The following CELSR2 variants were observed in gnomAD, a reference collection of about 807,000 sequenced individuals.
The protein encoded by CELSR2 is cadherin EGF LAG seven-pass G-type receptor 2.
CELSR2 carries 81 observed loss-of-function variants against 251.6 expected under a neutral mutation model. That is an observed-to-expected ratio of 0.32 (90% CI 0.27 to 0.39). CELSR2 has a LOEUF of 0.39. Among genes scored for constraint, CELSR2 ranks in the 10% least tolerant of loss-of-function variants. The probability of loss-of-function intolerance (pLI) is 1.00; values close to 1 mark genes in which losing one functional copy is unlikely to be tolerated. For synonymous variants in CELSR2, 1,721 were observed against 1,670.5 expected (o/e 1.03, Z -0.74); for missense variants, 3,365 against 3,947.7 (o/e 0.85, Z 3.96).
In CELSR2 at chr1:109,262,351, T is replaced by C; in HGVS notation, c.4451T>C (p.Val1484Ala). The change falls in exon 6 of 34, where the codon GTG (valine) becomes GCG (alanine). Residue 1484 changes from valine (V) to alanine (A), a missense_variant. This residue lies in a region of CELSR2 where 2,093 missense variants were observed against 2,382.8 expected (regional missense o/e 0.88). Coordinates refer to ENST00000271332, the MANE Select transcript of CELSR2 (RefSeq NM_001408.3). Reference sequence around the variant, plus strand: ...GAGCAGAAGGTGGCTGTGGTGACCGTGGATGGCTGTGACACAGGAGTGGCC... The same window carrying C: ...GAGCAGAAGGTGGCTGTGGTGACCGCGGATGGCTGTGACACAGGAGTGGCC... ...PSEQKVAVVT[V>A]DGCDTGVALR... 6.2e-7 allele frequency: 1 copy of C among 1,614,116 alleles called. No individual in the cohort carries two copies. Among genetic ancestry groups the C allele is most frequent in the Non-Finnish European group, 8.5e-7 (1 of 1,180,016 alleles).
chr1:109,251,242 C>T lies in CELSR2; in HGVS notation c.1163C>T (p.Ser388Phe). 6.2e-7 allele frequency: 1 copy of T among 1,614,108 alleles called. No homozygotes were observed. ...AGTACCACAGCCGCTGTTTTCCTTT[C>T]TGTGGAGGATGACAATGATAATGCC... ...PRSTTAAVFL[S>F]VEDDNDNAPQ... is the part of the protein sequence containing the mutation. The change falls in exon 1 of 34, where the codon TCT becomes TTT. Residue 388 changes from serine to phenylalanine, a missense_variant. Coordinates refer to ENST00000271332, the MANE Select transcript of CELSR2 (RefSeq NM_001408.3). This position sits in a 1 kb window ranked among gnomAD's most constrained non-coding sequence, Gnocchi z 4.9.
intron 1 of CELSR2, among the ~76,000 whole-genome samples, chr1:109,257,330 G>A (rs1322386748): frequency 6.7e-6 from 1 of 149,728 alleles, no homozygotes; most frequent in Non-Finnish European, 1.5e-5. Flanking sequence ...TCCAGTGTAG[G>A]CGACAGAGAG....
chr1:109,272,263 C>T lies in CELSR2; in HGVS notation c.7927-15C>T. 6.4e-7 allele frequency: 1 copy of T among 1,567,104 alleles called. No individual in the cohort carries two copies. The highest frequency in any genetic ancestry group is 8.7e-7 in the Non-Finnish European group (1 of 1,153,380). On this transcript the variant is annotated splice_polypyrimidine_tract_variant and intron_variant, in intron 28 of 33. Transcript: ENST00000271332. ...TCCCACTCCCCACTTACTGACCTCT[C>T]TGTTCCCTGCCTAGTCCTACAACTG...
intron 1 of CELSR2, among the ~76,000 whole-genome samples, chr1:109,255,751 A>T (rs945731972): frequency 6.6e-6 from 1 of 152,180 alleles, no homozygotes; most frequent in Non-Finnish European, 1.5e-5. Context: ...CCCTGTTCCC[A>T]TCCTGCCTTT....
Position 109,264,157 on chromosome 1 carries a change from C to T in CELSR2, c.5081C>T (p.Ala1694Val), listed in dbSNP as rs530902230. 2.5e-6 allele frequency: 4 copies of T among 1,610,316 alleles called. No individual in the cohort carries two copies. In the African/African-American group the frequency reaches 5.3e-5, roughly 21 times the overall value. Residue 1694 changes from alanine to valine, a missense_variant, in exon 10 of 34, where the codon GCC becomes GTC. Ala to Val is a moderately conservative substitution (Grantham distance 64). Transcript: ENST00000271332. The stretch of plus-strand genomic sequence containing the variant: ...TCTCTCCGTCTGGAGCCAGGCCGGG[C>T]CAATGACGGTGACTGGCACCATGCA... ...ASSLRLEPGR[A>V]NDGDWHHAQL... is the part of the protein sequence containing the mutation.
chr1:109,266,103 A>G lies in CELSR2; in HGVS notation c.5912-2A>G. On this transcript the variant is annotated splice_acceptor_variant, in intron 14 of 33. Transcript: ENST00000271332. LOFTEE classifies it high-confidence loss of function. ...TGGGTGACCATGTGCTCTTCCCCGC[A>G]GTGAATTATGACAGCTGCCCACGAG... The G allele has an allele frequency of 6.2e-7, 1 of 1,613,954 alleles. No homozygotes were observed. Among genetic ancestry groups the G allele is most frequent in the Non-Finnish European group, 8.5e-7 (1 of 1,179,980 alleles).
chr1:109,262,283 A>G lies in CELSR2; in HGVS notation c.4387-4A>G, dbSNP rs200259288. 6.2e-7 allele frequency: 1 copy of G among 1,613,460 alleles called. No homozygotes were observed. Reference sequence around the variant, plus strand: ...CCCCCTTCTCTGCTCTTTCCTGTCCACAGCCACTGTTGGGTCAGACAGGGC... The same window carrying G: ...CCCCCTTCTCTGCTCTTTCCTGTCCGCAGCCACTGTTGGGTCAGACAGGGC... On this transcript the variant is annotated splice_polypyrimidine_tract_variant and splice_region_variant and intron_variant, in intron 5 of 33. Transcript: ENST00000271332.
rs1656299278 is a variant in CELSR2, at chr1:109,269,348, G to T, written c.6812+58G>T. ...TATGGGTCGGGCGGTGAGTGCTGAG[G>T]CATGGAGGGGGTCGGGGGCGTCTCC... On this transcript the variant is annotated intron_variant, in intron 20 of 33. Transcript: ENST00000271332. This position sits in a 1 kb window ranked among gnomAD's most constrained non-coding sequence, Gnocchi z 6.4. The T allele has an allele frequency of 6.2e-7, 1 of 1,609,960 alleles. No individual in the cohort carries two copies. The highest frequency in any genetic ancestry group is 1.1e-5 in the South Asian group (1 of 90,880).
chr1:109,264,229 C>T lies in CELSR2; in HGVS notation c.5153C>T (p.Ser1718Phe), dbSNP rs756935365. The T allele has an allele frequency of 6.2e-7, 1 of 1,613,962 alleles. No homozygotes were observed. Among genetic ancestry groups the T allele is most frequent in the Non-Finnish European group, 8.5e-7 (1 of 1,180,024 alleles). ...GGGGGGCCCGGCCATGCCATTCTGT[C>T]CTTCGATTATGGGCAGCAGAGAGCA... The part of the protein sequence containing the change: ...ASGGPGHAIL[S>F]FDYGQQRAEG... The change falls in exon 10 of 34, where the codon TCC becomes TTC. Residue 1718 changes from serine to phenylalanine, a missense_variant. Transcript: ENST00000271332.
Position 109,250,568 on chromosome 1 carries a change from A to G in CELSR2, c.489A>G (p.Pro163=). 1.2e-6 allele frequency: 2 copies of G among 1,614,034 alleles called. No homozygotes were observed. Among genetic ancestry groups the G allele is most frequent in the Non-Finnish European group, 1.7e-6 (2 of 1,180,002 alleles). The change falls in exon 1 of 34, where the codon CCA becomes CCG. Residue 163 remains proline, a synonymous_variant. Coordinates refer to ENST00000271332, the MANE Select transcript of CELSR2 (RefSeq NM_001408.3). The surrounding 1 kb of genome is among the most constrained non-coding windows in gnomAD (Gnocchi z 4.4). The part of the protein sequence containing the change: ...APGLRAGERS[P]EESLGGRRKR... Reference sequence around the variant, plus strand: ...GGCTCAGGGCAGGGGAAAGGTCACCAGAAGAGTCCCTGGGTGGGCGTCGGA... The same window carrying G: ...GGCTCAGGGCAGGGGAAAGGTCACCGGAAGAGTCCCTGGGTGGGCGTCGGA...
chr1:109,250,385 C>T lies in CELSR2; in HGVS notation c.306C>T (p.Pro102=), dbSNP rs761695042. ...VWCPESEAHI[P]LPPAPEGCPW... The stretch of plus-strand genomic sequence containing the variant: ...GTCCAGAATCCGAGGCCCATATTCC[C>T]CTACCACCAGCTCCTGAAGGCTGCC... The change falls in exon 1 of 34, where the codon CCC becomes CCT. Residue 102 remains proline (P), a synonymous_variant. Coordinates refer to ENST00000271332, the MANE Select transcript of CELSR2 (RefSeq NM_001408.3). This position sits in a 1 kb window ranked among gnomAD's most constrained non-coding sequence, Gnocchi z 4.4. 49 of 1,613,482 alleles carry T rather than the reference C, an allele frequency of 3.0e-5. No homozygotes were observed. The highest frequency in any genetic ancestry group is 3.8e-5 in the Non-Finnish European group (45 of 1,180,038).
rs1415074252 is a variant in CELSR2, at chr1:109,261,383, C to A, written c.4181+119C>A. ...AGCGTGGAGCAGGCTGCCGGCAGAG[C>A]CAGGTCTGCTCTTGGAGTTGCCTGT... On this transcript the variant is annotated intron_variant, in intron 3 of 33. Transcript: ENST00000271332. The surrounding 1 kb of genome is among the most constrained non-coding windows in gnomAD (Gnocchi z 4.8). 7.4e-7 allele frequency: 1 copy of A among 1,344,276 alleles called. No homozygotes were observed. Among genetic ancestry groups the A allele is most frequent in the Non-Finnish European group, 1.1e-6 (1 of 946,434 alleles). 83.3% of individuals were successfully genotyped at this position (1,344,276 alleles called of 1,614,324 possible). A position where few individuals can be genotyped will look rare whatever the true frequency, so the allele number is the denominator to read the frequency against.
At chr1:109,273,876 A>AGCACTCTGCC in intron 33 of CELSR2, 146 bp from the exon 34 acceptor site, 1 of 1,225,994 alleles carries the variant, frequency 8.2e-7, no homozygotes, top group Non-Finnish European at 1.2e-6. Flanking sequence ...TACGCGGCGC[A>AGCACTCTGCC]GCCCAGCCTA....
rs201665009 is a variant in CELSR2 at position 109,273,579 on chromosome 1, C to G, written c.8653C>G (p.Arg2885Gly). Residue 2885 changes from arginine to glycine, a missense_variant, in exon 33 of 34, where the codon CGG becomes GGG. Transcript: ENST00000271332. The part of the protein sequence containing the change: ...RGGPPPRPPP[R>G]QSLQEQLNGV... ...AGGCCCCCCTCCCCGCCCACCGCCCCGGCAGAGCCTCCAGGAGCAGCTGAA... is the reference window on the plus strand; with the variant it reads ...AGGCCCCCCTCCCCGCCCACCGCCCGGGCAGAGCCTCCAGGAGCAGCTGAA... 21 of 1,561,818 alleles carry G rather than the reference C, an allele frequency of 1.3e-5. No individual in the cohort carries two copies. The highest frequency in any genetic ancestry group is 1.8e-5 in the Non-Finnish European group (21 of 1,153,500).
chr1:109,251,826 C>A lies in CELSR2; in HGVS notation c.1747C>A (p.Arg583=), dbSNP rs779652549. The change falls in exon 1 of 34, where the codon CGA becomes AGA. Residue 583 remains arginine, a synonymous_variant. Transcript: ENST00000271332. This position sits in a 1 kb window ranked among gnomAD's most constrained non-coding sequence, Gnocchi z 4.9. ...TTTCTACAGCTTTGGGGTAGAAGCT[C>A]GAGACCATGGCACTCCAGCACTCAC... is the stretch of plus-strand genomic sequence containing the variant. ...VDFYSFGVEA[R]DHGTPALTAS... is the part of the protein sequence containing the mutation. The A allele has an allele frequency of 6.2e-7, 1 of 1,614,046 alleles. No homozygotes were observed. Among genetic ancestry groups the A allele is most frequent in the Non-Finnish European group, 8.5e-7 (1 of 1,180,012 alleles).
chr1:109,270,252 G>T, intron 23 of CELSR2, 119 bp downstream of exon 23: 1 of 1,293,138 alleles, frequency 7.7e-7, no homozygotes, highest in Non-Finnish European at 1.1e-6. Flanking sequence ...TGCAGCACCT[G>T]GCCCAGGGTT....
In CELSR2 at chr1:109,258,664, C is replaced by T. The variant is rs201291428; in HGVS notation, c.3543C>T (p.Leu1181=). 2.9e-4 allele frequency: 452 copies of T among 1,548,414 alleles called. 3 individuals are homozygous for T. The African/African-American group carries it at 5.7e-3, about 20-fold the overall frequency. The change falls in exon 2 of 34, where the codon CTC becomes CTT. Residue 1181 remains leucine (L), a synonymous_variant. Transcript: ENST00000271332. ...RDTDAPGGHI[L]NVSLSVGQPP... ...CCGACGCCCCCGGGGGCCACATCCT[C>T]AACGTGAGCCTGTCGGTGGGCCAGC... is the stretch of plus-strand genomic sequence containing the variant.
In CELSR2 at chr1:109,265,810, G is replaced by C; in HGVS notation, c.5803G>C (p.Val1935Leu). The C allele has an allele frequency of 6.2e-7, 1 of 1,614,132 alleles. No individual in the cohort carries two copies. Among genetic ancestry groups the C allele is most frequent in the Non-Finnish European group, 8.5e-7 (1 of 1,180,016 alleles). Residue 1935 changes from valine (V) to leucine (L), a missense_variant, in exon 14 of 34, where the codon GTC (valine) becomes CTC (leucine). By Grantham distance (32) the Val-to-Leu change is conservative (BLOSUM62 1). Transcript: ENST00000271332. The part of the protein sequence containing the change: ...DCYPTGSLSR[V>L]CDPEDGQCPC... ...CTACCCCACAGGCTCCTTGTCCAGA[G>C]TCTGTGACCCTGAGGATGGCCAGTG...
intron 33 of CELSR2, 52 bp downstream of exon 33, chr1:109,273,722 C>T (rs189665085): frequency 7.3e-7 from 1 of 1,376,590 alleles, no homozygotes; most frequent in East Asian, 2.5e-5. Flanking sequence ...GAGGCCTCAC[C>T]TGGGCCCAGA....
Sources: allele counts gnomAD v4.1 joint callset (sites outside exome capture counted in the v4.1 genomes callset), GRCh38; gene constraint gnomAD v4.1.1; regional missense constraint gnomAD v4.1.1; non-coding constraint Gnocchi (gnomAD v3.1); transcripts MANE v1.5; gene names NCBI Gene and HGNC (gene_info 2026-07-23, HGNC 2026-07-21).